Variants in PTPRD observed in about 807,000 individuals in gnomAD.
PTPRD encodes the protein protein tyrosine phosphatase receptor type D.
PTPRD carries 34 observed loss-of-function variants against 214.5 expected under a neutral mutation model. That is an observed-to-expected ratio of 0.16 (90% CI 0.12 to 0.21). The LOEUF (loss-of-function observed/expected upper bound fraction) is 0.21. Ranked by LOEUF, PTPRD falls within the 10% of genes least tolerant of loss-of-function variation. The pLI is 1.00. For synonymous variants in PTPRD, 1,128 were observed against 845.7 expected (o/e 1.33, Z -5.79); for missense variants, 2,545 against 2,398.7 (o/e 1.06, Z -1.27).
At chr9:8,779,914 A>G (rs2095629009) in intron 11 of PTPRD, among the ~76,000 whole-genome samples, 1 of 149,858 alleles carries the variant, frequency 6.7e-6, no homozygotes, top group African/African-American at 2.5e-5. Flanking sequence ...ATTCCATTGG[A>G]TTTTGATTAG....
At chr9:10,016,651 C>T (rs1416797562) in intron 4 of PTPRD, among the ~76,000 whole-genome samples, 1 of 149,114 alleles carries the variant, frequency 6.7e-6, no homozygotes, top group Non-Finnish European at 1.5e-5. Context: ...AGAAATACTA[C>T]TGAAAATGCC....
chr9:10,357,347 C>T (rs1019874545), intron 2 of PTPRD, among the ~76,000 whole-genome samples: 10 of 152,144 alleles, frequency 6.6e-5, no homozygotes, highest in South Asian at 6.2e-4. Flanking sequence ...CACTTGGATT[C>T]GTTCCTTGAT....
chr9:10,132,932 G>C (rs138750075), intron 3 of PTPRD, among the ~76,000 whole-genome samples: 13 of 141,114 alleles, frequency 9.2e-5, no homozygotes, highest in Middle Eastern at 3.8e-3. Flanking sequence ...TACAACAGAA[G>C]TGATGATATG....
intron 9 of PTPRD, among the ~76,000 whole-genome samples, chr9:9,229,627 T>C (rs916878041): frequency 6.6e-6 from 1 of 152,034 alleles, no homozygotes; most frequent in Non-Finnish European, 1.5e-5. Context: ...ACCAAAATTA[T>C]ACATGATGGA....
At chr9:9,342,736 G>C (rs936064983) in intron 9 of PTPRD, among the ~76,000 whole-genome samples, 1 of 150,610 alleles carries the variant, frequency 6.6e-6, no homozygotes, top group Non-Finnish European at 1.5e-5. Flanking sequence ...TATACTTTAA[G>C]TTCTGGGATA....
intron 11 of PTPRD, among the ~76,000 whole-genome samples, chr9:8,976,491 T>C (rs2099268716): frequency 6.6e-6 from 1 of 152,082 alleles, no homozygotes; most frequent in East Asian, 1.9e-4. Flanking sequence ...GTAAATAAAA[T>C]GGAAAAACAT....
chr9:9,780,775 G>A (rs1169548273), intron 5 of PTPRD, among the ~76,000 whole-genome samples: 1 of 152,174 alleles, frequency 6.6e-6, no homozygotes, highest in Non-Finnish European at 1.5e-5. Context: ...CAAACTGGAA[G>A]CAACTAAAAT....
intron 14 of PTPRD, among the ~76,000 whole-genome samples, chr9:8,578,530 A>G (rs188442716): frequency 6.6e-6 from 1 of 152,226 alleles, no homozygotes; most frequent in East Asian, 1.9e-4. Flanking sequence ...TAGGCTGTCA[A>G]TACAACAAAA....
At chr9:8,628,246 T>C (rs1002278768) in intron 14 of PTPRD, among the ~76,000 whole-genome samples, 2 of 151,888 alleles carry the variant, frequency 1.3e-5, no homozygotes, top group African/African-American at 4.8e-5. Context: ...AATGAGACTG[T>C]AATCAACATG....
At chr9:9,228,621 G>A (rs1034811513) in intron 9 of PTPRD, among the ~76,000 whole-genome samples, 4 of 151,728 alleles carry the variant, frequency 2.6e-5, no homozygotes, top group Non-Finnish European at 2.9e-5. Flanking sequence ...CTAGTTCTAT[G>A]AACTTGAAAA....
chr9:8,454,783 G>T (rs1268895283), intron 33 of PTPRD, among the ~76,000 whole-genome samples: 2 of 151,148 alleles, frequency 1.3e-5, no homozygotes, highest in African/African-American at 4.9e-5. Context: ...ACTAAACAGA[G>T]GACATGAAGT....
At chr9:10,321,750 A>G (rs1389294547) in intron 3 of PTPRD, among the ~76,000 whole-genome samples, 1 of 152,088 alleles carries the variant, frequency 6.6e-6, no homozygotes, top group Non-Finnish European at 1.5e-5. Context: ...ACCCAAGTAG[A>G]TTAATATATA....
intron 8 of PTPRD, among the ~76,000 whole-genome samples, chr9:9,423,445 G>C (rs2079601654): frequency 6.6e-6 from 1 of 152,150 alleles, no homozygotes; most frequent in Non-Finnish European, 1.5e-5. Context: ...TCAAGGATTT[G>C]AGGAATAAAT....
chr9:10,484,516 G>C (rs1485644563), intron 2 of PTPRD, among the ~76,000 whole-genome samples: 1 of 152,010 alleles, frequency 6.6e-6, no homozygotes, highest in Non-Finnish European at 1.5e-5. Flanking sequence ...GTGTACGAGG[G>C]TTCTCTTTTC....
chr9:8,642,920 T>A (rs1274959004), intron 12 of PTPRD, among the ~76,000 whole-genome samples: 1 of 151,890 alleles, frequency 6.6e-6, no homozygotes, highest in Non-Finnish European at 1.5e-5. Context: ...CCAAAGTTGA[T>A]GTATCATTGC....
chr9:9,919,096 A>G (rs750615070), intron 5 of PTPRD, among the ~76,000 whole-genome samples: 1 of 152,164 alleles, frequency 6.6e-6, no homozygotes, highest in Non-Finnish European at 1.5e-5. Flanking sequence ...AAAAGTTAAA[A>G]TATCCAAATG....
chr9:8,989,057 T>G (rs183559382), intron 11 of PTPRD, among the ~76,000 whole-genome samples: 2 of 152,228 alleles, frequency 1.3e-5, no homozygotes, highest in African/African-American at 4.8e-5. Flanking sequence ...ACTCAGGATT[T>G]CAACTACCTA....
intron 4 of PTPRD, among the ~76,000 whole-genome samples, chr9:9,955,688 T>A (rs2093859938): frequency 6.6e-6 from 1 of 152,148 alleles, no homozygotes; most frequent in South Asian, 2.1e-4. Context: ...CATGCCCGAC[T>A]AATTTTTTGT....
intron 11 of PTPRD, among the ~76,000 whole-genome samples, chr9:9,014,305 T>C (rs1444754923): frequency 6.6e-6 from 1 of 151,760 alleles, no homozygotes; most frequent in Non-Finnish European, 1.5e-5. Context: ...TGAACAGAAA[T>C]GTGCTTATGT....
Sources: gnomAD v4.1 joint callset for allele counts (sites outside exome capture counted in the v4.1 genomes callset) on GRCh38, gnomAD v4.1.1 for gene constraint, MANE v1.5 for transcripts, NCBI Gene and HGNC (gene_info 2026-07-23, HGNC 2026-07-21) for gene names.